The following SDHAF3 variants were observed in gnomAD, a reference collection of about 807,000 sequenced individuals.
The protein encoded by SDHAF3 is succinate dehydrogenase complex assembly factor 3, also known as succinate dehydrogenase assembly factor 3, mitochondrial.
Under a neutral mutation model 11.5 loss-of-function variants are expected in SDHAF3, and 18 were observed. The ratio of observed to expected loss-of-function variants is 1.56; its 90% CI spans 1.08 to 2.32. The LOEUF (loss-of-function observed/expected upper bound fraction) is 2.32. SDHAF3 is among the 30% of genes most tolerant of loss of function. The pLI, the probability that SDHAF3 is intolerant of heterozygous loss-of-function variation, is 0.00. For missense variants in SDHAF3, 200 were observed against 154.4 expected, an observed-to-expected ratio of 1.30 and a Z score of -1.57; for synonymous variants, 72 against 59.3, an observed-to-expected ratio of 1.21 and a Z score of -0.99.
At chr7:97,176,104 T>G (rs1179995148) in intron 1 of SDHAF3, among the ~76,000 whole-genome samples, 2 of 152,180 alleles carry the variant, frequency 1.3e-5, no homozygotes, top group East Asian at 3.9e-4. Flanking sequence ...CAGGATAATC[T>G]CATCTCAGAA....
chr7:97,162,009 A>G (rs183199434), intron 1 of SDHAF3, among the ~76,000 whole-genome samples: 1 of 152,332 alleles, frequency 6.6e-6, no homozygotes, highest in Non-Finnish European at 1.5e-5. Flanking sequence ...GAATTGCCAC[A>G]CTGTCTTCCA....
chr7:97,179,604 C>T (rs1269566064), intron 1 of SDHAF3, among the ~76,000 whole-genome samples: 1 of 151,794 alleles, frequency 6.6e-6, no homozygotes, highest in Non-Finnish European at 1.5e-5. Flanking sequence ...TGTTTCGAGA[C>T]ATTTTAGATT....
At chr7:97,141,914 T>G (rs1352622760) in intron 1 of SDHAF3, among the ~76,000 whole-genome samples, 1 of 152,134 alleles carries the variant, frequency 6.6e-6, no homozygotes, top group African/African-American at 2.4e-5. Flanking sequence ...TAGTATGTTT[T>G]AATAGATGTT....
At chr7:97,150,311 A>T (rs908303428) in intron 1 of SDHAF3, among the ~76,000 whole-genome samples, 1 of 152,238 alleles carries the variant, frequency 6.6e-6, no homozygotes, top group African/African-American at 2.4e-5. Flanking sequence ...AATCCTTTCC[A>T]GGAGTTTTTC....
chr7:97,123,895 T>G (rs1038982592), intron 1 of SDHAF3, among the ~76,000 whole-genome samples: 1 of 151,840 alleles, frequency 6.6e-6, no homozygotes, highest in African/African-American at 2.4e-5. Flanking sequence ...TTCTGGATAG[T>G]AGCCCTTTGT....
At chr7:97,155,068 T>A (rs1789281884) in intron 1 of SDHAF3, among the ~76,000 whole-genome samples, 1 of 152,218 alleles carries the variant, frequency 6.6e-6, no homozygotes, top group African/African-American at 2.4e-5. Context: ...ACTTAATTCA[T>A]CTATTTCAAA....
intron 1 of SDHAF3, among the ~76,000 whole-genome samples, chr7:97,169,001 G>A (rs1189084217): frequency 6.6e-6 from 1 of 152,182 alleles, no homozygotes; most frequent in Non-Finnish European, 1.5e-5. Flanking sequence ...AAGATAACTT[G>A]TAAGACATTA....
At chr7:97,135,081 C>T (rs1225925548) in intron 1 of SDHAF3, 1 of 151,132 alleles carries the variant, frequency 6.6e-6, no homozygotes, top group African/African-American at 2.4e-5. Flanking sequence ...TTTTTTCCCC[C>T]CAAGGAACTT....
At chr7:97,178,814 T>G (rs1281777001) in intron 1 of SDHAF3, among the ~76,000 whole-genome samples, 1 of 152,182 alleles carries the variant, frequency 6.6e-6, no homozygotes, top group African/African-American at 2.4e-5. Flanking sequence ...CTATTAGGTG[T>G]CCTTTGATGC....
intron 1 of SDHAF3, chr7:97,135,092 T>C (rs142727237): frequency 2.6e-5 from 4 of 152,188 alleles, no homozygotes; most frequent in Non-Finnish European, 4.4e-5. Context: ...CAAGGAACTT[T>C]AGCTTTCTCC....
At chr7:97,162,771 C>T (rs1358263325) in intron 1 of SDHAF3, among the ~76,000 whole-genome samples, 1 of 152,124 alleles carries the variant, frequency 6.6e-6, no homozygotes, top group Non-Finnish European at 1.5e-5. Context: ...GTTATGATTT[C>T]CATTCTTTTG....
chr7:97,129,694 G>C (rs892713595), intron 1 of SDHAF3, among the ~76,000 whole-genome samples: 3 of 152,096 alleles, frequency 2.0e-5, no homozygotes, highest in Admixed American at 6.5e-5. Flanking sequence ...AGAAATCTCT[G>C]GCCGGCAGCA....
chr7:97,137,146 T>A (rs1788933933), intron 1 of SDHAF3, among the ~76,000 whole-genome samples: 1 of 152,154 alleles, frequency 6.6e-6, no homozygotes, highest in African/African-American at 2.4e-5. Flanking sequence ...CTTGTCCACA[T>A]CTCTCACATC....
chr7:97,162,084 C>A (rs944204109), intron 1 of SDHAF3, among the ~76,000 whole-genome samples: 4 of 152,220 alleles, frequency 2.6e-5, no homozygotes, highest in Admixed American at 2.6e-4. Context: ...TCCACATCCT[C>A]TTCAGCATCT....
chr7:97,145,017 C>A (rs1789114347), intron 1 of SDHAF3, among the ~76,000 whole-genome samples: 1 of 150,634 alleles, frequency 6.6e-6, no homozygotes, highest in South Asian at 2.1e-4. Context: ...GGTCTTTCAA[C>A]TCCTTGGTTA....
Position 97,181,128 on chromosome 7 carries a change from A to G in SDHAF3, c.291A>G (p.Gln97=). The change falls in exon 2 of 2, where the codon CAA becomes CAG. Residue 97 remains glutamine, a synonymous_variant. Transcript: ENST00000432641. ...EEKLNDFRDE[Q]IGQLQELMQE... is the part of the protein sequence containing the mutation. ...AACTTAATGACTTTCGTGATGAACAAATTGGACAGTTGCAGGAGCTGATGC... is the reference window on the plus strand; with the variant it reads ...AACTTAATGACTTTCGTGATGAACAGATTGGACAGTTGCAGGAGCTGATGC... 1 of 1,614,036 alleles carries G rather than the reference A, an allele frequency of 6.2e-7. No individual in the cohort carries two copies. Among genetic ancestry groups the G allele is most frequent in the Middle Eastern group, 1.7e-4 (1 of 6,058 alleles).
chr7:97,136,316 GTGAATTATCAACCTGTAATTTGTTTCTT>G (rs1213975082), intron 1 of SDHAF3: 1 of 509,040 alleles, frequency 2.0e-6, no homozygotes, highest in Non-Finnish European at 3.6e-6. Flanking sequence ...CTTTTGAAAA[GTGAATTATCAACCTGTAATTTGTTTCTT>G]TGTGTAAACC....
intron 1 of SDHAF3, among the ~76,000 whole-genome samples, chr7:97,123,812 G>A (rs573836391): frequency 6.9e-6 from 1 of 144,838 alleles, no homozygotes; most frequent in East Asian, 2.0e-4. Context: ...TGAGAAGGGT[G>A]TGTTCATATC....
At chr7:97,180,813 CACTT>C (rs1339468052) in intron 1 of SDHAF3, among the ~76,000 whole-genome samples, 195 bp from the exon 2 acceptor site, 2 of 152,116 alleles carry the variant, frequency 1.3e-5, no homozygotes, top group African/African-American at 4.8e-5. Flanking sequence ...TTGGTTAAAA[CACTT>C]AAAGTGCTAA....
Sources: allele counts gnomAD v4.1 joint callset (sites outside exome capture counted in the v4.1 genomes callset), GRCh38; gene constraint gnomAD v4.1.1; transcripts MANE v1.5; gene names NCBI Gene and HGNC (gene_info 2026-07-23, HGNC 2026-07-21).